The following ZNF333 variants were observed in gnomAD, a reference collection of about 807,000 sequenced individuals.
ZNF333 encodes zinc finger protein 333.
A neutral mutation model predicts 76.1 loss-of-function variants in ZNF333; 61 were observed. The ratio of observed to expected loss-of-function variants is 0.80; its 90% CI spans 0.65 to 0.99. The LOEUF (loss-of-function observed/expected upper bound fraction) is 0.99, where lower values mean the gene tolerates loss of function less well. ZNF333 is among the 50% of genes least tolerant of loss of function. ZNF333 has a pLI of 0.00. For missense variants in ZNF333, 717 were observed against 822.4 expected (o/e 0.87, Z 1.57); for synonymous variants, 284 against 305.0 (o/e 0.93, Z 0.72).
chr19:14,718,747 G>A lies in ZNF333; in HGVS notation c.1420G>A (p.Gly474Arg), dbSNP rs749325979. The A allele has an allele frequency of 1.1e-5, 17 of 1,614,028 alleles. No homozygotes were observed. The South Asian group carries it at 1.6e-4, about 16-fold the overall frequency. Residue 474 changes from glycine (G) to arginine (R), a missense_variant, in exon 12 of 12, where the codon GGA becomes AGA. Gly to Arg is a moderately radical substitution (Grantham distance 125). Coordinates refer to ENST00000292530, the MANE Select transcript of ZNF333 (RefSeq NM_032433.4). Reference sequence around the variant, plus strand: ...CAGGAGCCACGTGAGAACTCACACTGGAGAGAAGCCCTTTGAATGCAGCCA... The same window carrying A: ...CAGGAGCCACGTGAGAACTCACACTAGAGAGAAGCCCTTTGAATGCAGCCA... ...SLRSHVRTHT[G>R]EKPFECSQCG...
rs1041856747 is a variant in ZNF333 at position 14,721,335 on chromosome 19, C to A, written c.*2010C>A. ...TTAAAGTTCTCTTAGGTATAACTTA[C>A]ATAAACGTTAATAAATCTTAGGGTA... On this transcript the variant is annotated 3_prime_UTR_variant, in exon 12 of 12. Transcript: ENST00000292530. 5 of 117,734 alleles carry A rather than the reference C, an allele frequency of 4.2e-5. No homozygotes were observed. The highest frequency in any genetic ancestry group is 1.6e-4 in the African/African-American group (5 of 31,738). 7.3% of individuals were successfully genotyped at this position (117,734 alleles called of 1,614,324 possible).
intron 1 of ZNF333, among the ~76,000 whole-genome samples, chr19:14,691,676 CTTTTTT>C (rs71166784): frequency 6.6e-5 from 8 of 121,982 alleles, no homozygotes; most frequent in Non-Finnish European, 1.7e-5. Flanking sequence ...GTCATATTGT[CTTTTTT>C]TTTTTTTTTT....
chr19:14,711,942 A>G (rs569502859), intron 7 of ZNF333, among the ~76,000 whole-genome samples: 2 of 152,200 alleles, frequency 1.3e-5, no homozygotes, highest in African/African-American at 2.4e-5. Context: ...GGCTCTTTCT[A>G]CAGGGGAGGA....
At chr19:14,708,339 A>G (rs2042177704) in intron 7 of ZNF333, 3 of 401,166 alleles carry the variant, frequency 7.5e-6, no homozygotes, top group Non-Finnish European at 1.3e-5. Flanking sequence ...GGGTAACACC[A>G]CTACTGTCAT....
chr19:14,698,691 AT>A (rs1451709610), intron 4 of ZNF333, among the ~76,000 whole-genome samples: 1 of 151,514 alleles, frequency 6.6e-6, no homozygotes, highest in Non-Finnish European at 1.5e-5. Context: ...TACAAAAAAA[AT>A]TAGCCAGACG....
At chr19:14,701,967 C>T (rs1487978753) in intron 5 of ZNF333, 3 of 919,890 alleles carry the variant, frequency 3.3e-6, no homozygotes, top group African/African-American at 3.6e-5. Flanking sequence ...TCAGGTTCTA[C>T]TGCCTGACGA....
chr19:14,715,159 G>A, intron 7 of ZNF333: 2 of 515,468 alleles, frequency 3.9e-6, no homozygotes, highest in Non-Finnish European at 7.1e-6. Flanking sequence ...GTGCGTGTTT[G>A]TGTGTATATG....
chr19:14,731,794 A>G (rs942948735), exon 12 of ZNF333: 1 of 152,208 alleles, frequency 6.6e-6, no homozygotes, highest in Non-Finnish European at 1.5e-5. Context: ...CTTACTTAAT[A>G]TTCAAACACA....
intron 7 of ZNF333, among the ~76,000 whole-genome samples, chr19:14,712,081 C>T (rs970096303): frequency 2.0e-5 from 3 of 152,096 alleles, no homozygotes; most frequent in African/African-American, 2.4e-5. Context: ...CATGTAGAGA[C>T]GTCATCACTA....
chr19:14,709,846 C>A (rs1042028908), intron 7 of ZNF333, among the ~76,000 whole-genome samples: 1 of 152,194 alleles, frequency 6.6e-6, no homozygotes, highest in African/African-American at 2.4e-5. Flanking sequence ...AGTCACCTAG[C>A]GCATGGTATT....
intron 7 of ZNF333, among the ~76,000 whole-genome samples, chr19:14,710,931 C>G (rs907505165): frequency 6.7e-6 from 1 of 148,410 alleles, no homozygotes; most frequent in East Asian, 2.0e-4. Context: ...AGCCAGTGTG[C>G]GGAGATCACA....
intron 5 of ZNF333, among the ~76,000 whole-genome samples, chr19:14,704,343 G>A (rs1008280717): frequency 6.6e-6 from 1 of 152,110 alleles, no homozygotes; most frequent in African/African-American, 2.4e-5. Flanking sequence ...GGAGTGCAGT[G>A]TTGTGATCTC....
chr19:14,721,048 TA>T lies in ZNF333; in HGVS notation c.*1724del. The T allele has an allele frequency of 1.2e-6, 1 of 805,852 alleles. No homozygotes were observed. Among genetic ancestry groups the T allele is most frequent in the Non-Finnish European group, 1.5e-6 (1 of 666,540 alleles). The allele number at this position is 805,852 out of a possible 1,614,324, so 49.9% of individuals were successfully genotyped here. On this transcript the variant is annotated 3_prime_UTR_variant, in exon 12 of 12. Transcript: ENST00000292530. ...ATTCATTGTAATGATAGTAAATACTTATTTAGAGTTTACTATTAATAGATAG... is the reference window on the plus strand; with the variant it reads ...ATTCATTGTAATGATAGTAAATACTTTTTAGAGTTTACTATTAATAGATAG...
intron 1 of ZNF333, among the ~76,000 whole-genome samples, chr19:14,691,226 G>A (rs747459540): frequency 4.6e-5 from 7 of 152,144 alleles, no homozygotes; most frequent in Non-Finnish European, 1.0e-4. Flanking sequence ...AAGAAAAGCC[G>A]TTTCTCAGTT....
In ZNF333 at chr19:14,719,261, C is replaced by A. The variant is rs76970873; in HGVS notation, c.1934C>A (p.Thr645Asn). Reference sequence around the variant, plus strand: ...AAAAGAACCCATGTGGGAAGAGAGACCATTAGGAATGGCAGCCTGCCTTTA... The same window carrying A: ...AAAAGAACCCATGTGGGAAGAGAGAACATTAGGAATGGCAGCCTGCCTTTA... ...VHKRTHVGRE[T>N]IRNGSLPLSM... is the part of the protein sequence containing the mutation. The change falls in exon 12 of 12, where the codon ACC becomes AAC. Residue 645 changes from threonine (T) to asparagine (N), a missense_variant. By Grantham distance (65) the Thr-to-Asn change is moderately conservative (BLOSUM62 0). Transcript: ENST00000292530. The A allele has an allele frequency of 9.3e-6, 15 of 1,614,138 alleles. No homozygotes were observed. Among genetic ancestry groups the A allele is most frequent in the Middle Eastern group, 1.6e-4 (1 of 6,062 alleles).
At chr19:14,694,547 C>T (rs1038044500) in intron 2 of ZNF333, among the ~76,000 whole-genome samples, 25 of 152,208 alleles carry the variant, frequency 1.6e-4, no homozygotes, top group African/African-American at 4.8e-4. Flanking sequence ...TAATTAAGGA[C>T]GTAAGTCTTG....
intron 7 of ZNF333, among the ~76,000 whole-genome samples, chr19:14,707,604 T>G (rs1417763509): frequency 7.0e-6 from 1 of 142,068 alleles, no homozygotes; most frequent in East Asian, 2.2e-4. Context: ...CAAGCTGGAC[T>G]GCAGTGGCAC....
chr19:14,717,404 G>C (rs1399349000), intron 10 of ZNF333: 1 of 551,222 alleles, frequency 1.8e-6, no homozygotes, highest in Non-Finnish European at 3.2e-6. Context: ...AATCTTTGTA[G>C]AATCCTTTTT....
At chr19:14,727,124 T>C (rs985607399) in intron 11 of ZNF333, among the ~76,000 whole-genome samples, 3 of 145,458 alleles carry the variant, frequency 2.1e-5, no homozygotes, top group Non-Finnish European at 3.0e-5. Context: ...GCCTCCTGGG[T>C]TCACACCATT....
Sources: gnomAD v4.1 joint callset for allele counts (sites outside exome capture counted in the v4.1 genomes callset) on GRCh38, gnomAD v4.1.1 for gene constraint, MANE v1.5 for transcripts, NCBI Gene and HGNC (gene_info 2026-07-23, HGNC 2026-07-21) for gene names.